Variants in TMEM132B observed in about 807,000 individuals in gnomAD.
TMEM132B encodes the protein transmembrane protein 132B.
In TMEM132B, 18 loss-of-function variants were observed where a neutral mutation model predicts 90.8. The observed-to-expected ratio is 0.20, with a 90% CI of 0.14 to 0.29. The LOEUF is 0.29. TMEM132B is among the 10% of genes least tolerant of loss of function. The pLI, the probability that TMEM132B is intolerant of heterozygous loss-of-function variation, is 1.00. For missense variants in TMEM132B, 1,096 were observed against 1,326.8 expected, an observed-to-expected ratio of 0.83 and a Z score of 2.70; for synonymous variants, 504 against 523.3, an observed-to-expected ratio of 0.96 and a Z score of 0.50.
rs1016148332 is a variant in TMEM132B, at chr12:125,277,128, A to G, written c.68-72324A>G. Among the ~76,000 whole-genome samples, 13 of 149,756 alleles carry G rather than the reference A, an allele frequency of 8.7e-5. No individual in the cohort carries two copies. The highest frequency in any genetic ancestry group is 3.2e-4 in the African/African-American group (13 of 40,534). On this transcript the variant is annotated intron_variant, in intron 1 of 8. Coordinates refer to ENST00000682704, the MANE Select transcript of TMEM132B (RefSeq NM_001366854.1). This position sits in a 1 kb window ranked among gnomAD's most constrained non-coding sequence, Gnocchi z 4.3. ...AAGAGTGTCTTTGCATATGTGGTCAAGTTAAGATGTGGTCATTAGGGTGGG... is the reference window on the plus strand; with the variant it reads ...AAGAGTGTCTTTGCATATGTGGTCAGGTTAAGATGTGGTCATTAGGGTGGG...
chr12:125,347,097 A>G (rs1461130816), intron 1 of TMEM132B, among the ~76,000 whole-genome samples: 2 of 152,156 alleles, frequency 1.3e-5, no homozygotes, highest in Non-Finnish European at 2.9e-5. Flanking sequence ...AATTCCTGGG[A>G]TGGGCATTTT....
At chr12:125,295,511 T>TGC (rs1255668943) in intron 1 of TMEM132B, among the ~76,000 whole-genome samples, 5 of 110,892 alleles carry the variant, frequency 4.5e-5, no homozygotes, top group Admixed American at 2.8e-4. Flanking sequence ...TGTGTGTGTG[T>TGC]GTGTGAGAGA....
At chr12:125,380,427 G>C (rs1434393581) in intron 2 of TMEM132B, among the ~76,000 whole-genome samples, 1 of 152,154 alleles carries the variant, frequency 6.6e-6, no homozygotes, top group Non-Finnish European at 1.5e-5. Flanking sequence ...ACAGGTTCTG[G>C]ATGGACATAT....
rs114346994 is a variant in TMEM132B at position 125,221,356 on chromosome 12, T to C, written c.67+34490T>C. On this transcript the variant is annotated intron_variant, in intron 1 of 8. Coordinates refer to ENST00000682704, the MANE Select transcript of TMEM132B (RefSeq NM_001366854.1). ...ATGAGGATTCAGAGTGGATAACACT[T>C]GCCCCTCGTCTTCAAAAGCTTCCCG... is the stretch of plus-strand genomic sequence containing the variant. Among the ~76,000 whole-genome samples the C allele has an allele frequency of 8.2e-3, 1,253 of 152,316 alleles. 16 individuals carry two copies. The highest frequency in any genetic ancestry group is 0.029 in the African/African-American group (1,194 of 41,566).
chr12:125,542,024 T>C (rs1883971496), intron 4 of TMEM132B, among the ~76,000 whole-genome samples: 1 of 21,356 alleles, frequency 4.7e-5, no homozygotes, highest in Non-Finnish European at 7.9e-5. Flanking sequence ...AACCCCCGTC[T>C]CAAAAAAAAA....
chr12:125,350,358 C>T lies in TMEM132B; in HGVS notation c.959+15C>T. ...TTCACTCTTAGGTAAGAGGCTTTGC[C>T]AGGTGGGATGGAACAGAAGCCAACT... On this transcript the variant is annotated intron_variant, in intron 2 of 8. Coordinates refer to ENST00000682704, the MANE Select transcript of TMEM132B (RefSeq NM_001366854.1). 6.3e-7 allele frequency: 1 copy of T among 1,598,536 alleles called. No homozygotes were observed. The highest frequency in any genetic ancestry group is 8.5e-7 in the Non-Finnish European group (1 of 1,173,196).
chr12:125,206,119 T>C (rs1439986020), intron 1 of TMEM132B, among the ~76,000 whole-genome samples: 3 of 152,208 alleles, frequency 2.0e-5, no homozygotes, highest in African/African-American at 4.8e-5. Context: ...CCCATGGCCT[T>C]GCTCCCTTAG....
chr12:125,371,536 T>C (rs1349724861), intron 2 of TMEM132B, among the ~76,000 whole-genome samples: 1 of 152,196 alleles, frequency 6.6e-6, no homozygotes, highest in African/African-American at 2.4e-5. Context: ...CTCCTCTGTG[T>C]ACCTTGTGGG....
intron 1 of TMEM132B, among the ~76,000 whole-genome samples, chr12:125,271,787 A>G (rs1230878388): frequency 6.6e-6 from 1 of 151,806 alleles, no homozygotes; most frequent in Non-Finnish European, 1.5e-5. Flanking sequence ...TTACCTTCAT[A>G]TAATATATAA....
At chr12:125,243,317 T>C (rs1375282199) in intron 1 of TMEM132B, among the ~76,000 whole-genome samples, 1 of 150,518 alleles carries the variant, frequency 6.6e-6, no homozygotes, top group African/African-American at 2.4e-5. Flanking sequence ...TAATTTTTTT[T>C]TTTTTTTGAG....
intron 5 of TMEM132B, among the ~76,000 whole-genome samples, chr12:125,618,937 A>G (rs1886054912): frequency 6.6e-6 from 1 of 152,156 alleles, no homozygotes. Context: ...AATTTATGGT[A>G]ATTTCTGAGA....
chr12:125,350,409 A>C, intron 2 of TMEM132B, 66 bp downstream of exon 2: 3 of 1,504,216 alleles, frequency 2.0e-6, no homozygotes, highest in Non-Finnish European at 2.7e-6. Context: ...ATTGTCAATG[A>C]ATAAAATGGG....
At chr12:125,497,212 A>G (rs1432895022) in intron 3 of TMEM132B, among the ~76,000 whole-genome samples, 1 of 152,196 alleles carries the variant, frequency 6.6e-6, no homozygotes, top group Non-Finnish European at 1.5e-5. Context: ...GCAGTACTTT[A>G]AGTGTCTAGG....
chr12:125,454,798 T>C lies in TMEM132B; in HGVS notation c.1106+39121T>C, dbSNP rs532408934. On this transcript the variant is annotated intron_variant, in intron 3 of 8. Transcript: ENST00000682704. ...CAAGTGGATATGATGCCTCGCTTGATGTTTATTTTCAATCATGATAGAAAC... is the reference window on the plus strand; with the variant it reads ...CAAGTGGATATGATGCCTCGCTTGACGTTTATTTTCAATCATGATAGAAAC... Among the ~76,000 whole-genome samples the C allele has an allele frequency of 8.5e-5, 13 of 152,360 alleles. No homozygotes were observed. The South Asian group carries it at 2.5e-3, about 29-fold the overall frequency.
chr12:125,218,693 T>C lies in TMEM132B; in HGVS notation c.67+31827T>C, dbSNP rs114007246. Among the ~76,000 whole-genome samples, 325 of 150,628 alleles carry C rather than the reference T, an allele frequency of 2.2e-3. 1 individual carries two copies. The highest frequency in any genetic ancestry group is 7.6e-3 in the African/African-American group (312 of 41,012). On this transcript the variant is annotated intron_variant, in intron 1 of 8. Transcript: ENST00000682704. ...GATCCCACCATGAACTTGAGGCTGA[T>C]AAATTCTCTAATCTGCAAGATAAAA...
At chr12:125,329,924 C>T (rs943629996) in intron 1 of TMEM132B, among the ~76,000 whole-genome samples, 1 of 152,220 alleles carries the variant, frequency 6.6e-6, no homozygotes, top group Non-Finnish European at 1.5e-5. Flanking sequence ...AGGCAAAAAT[C>T]AGTTCTCCAC....
intron 3 of TMEM132B, among the ~76,000 whole-genome samples, chr12:125,497,152 C>A (rs1019204928): frequency 6.6e-6 from 1 of 152,218 alleles, no homozygotes; most frequent in Non-Finnish European, 1.5e-5. Flanking sequence ...GACTGAAGCA[C>A]TTTCCTTCCT....
At chr12:125,393,744 C>A (rs1174023281) in intron 2 of TMEM132B, among the ~76,000 whole-genome samples, 4 of 152,102 alleles carry the variant, frequency 2.6e-5, no homozygotes, top group Non-Finnish European at 5.9e-5. Context: ...ACAGTGATGG[C>A]CCTGGCCCAA....
At chr12:125,273,552 C>T (rs1874905127) in intron 1 of TMEM132B, among the ~76,000 whole-genome samples, 1 of 152,200 alleles carries the variant, frequency 6.6e-6, no homozygotes, top group Non-Finnish European at 1.5e-5. Flanking sequence ...AAAACCACTG[C>T]ACACAGCCTT....
Sources: allele counts gnomAD v4.1 joint callset (sites outside exome capture counted in the v4.1 genomes callset), GRCh38; gene constraint gnomAD v4.1.1; non-coding constraint Gnocchi (gnomAD v3.1); transcripts MANE v1.5; gene names NCBI Gene and HGNC (gene_info 2026-07-23, HGNC 2026-07-21).